The following TNS1 variants were observed in gnomAD, a reference collection of about 807,000 sequenced individuals.
TNS1 encodes tensin-1.
In TNS1, 62 loss-of-function variants were observed where a neutral mutation model predicts 168.6. The ratio of observed to expected loss-of-function variants is 0.37; its 90% CI spans 0.30 to 0.45. The LOEUF (loss-of-function observed/expected upper bound fraction) is 0.45. Among genes scored for constraint, TNS1 ranks in the 20% least tolerant of loss-of-function variants. The pLI is 1.00. For missense variants in TNS1, 2,240 were observed against 2,339.4 expected, an observed-to-expected ratio of 0.96 and a Z score of 0.88; for synonymous variants, 934 against 933.2, an observed-to-expected ratio of 1.00 and a Z score of -0.02.
At chr2:217,855,211 T>C (rs1947984537) in intron 18 of TNS1, among the ~76,000 whole-genome samples, 1 of 152,164 alleles carries the variant, frequency 6.6e-6, no homozygotes, top group South Asian at 2.1e-4. Flanking sequence ...CACTTCCTTG[T>C]CCTCCATACC....
chr2:217,876,891 A>C (rs1950248838), intron 18 of TNS1, among the ~76,000 whole-genome samples: 1 of 152,152 alleles, frequency 6.6e-6, no homozygotes, highest in Non-Finnish European at 1.5e-5. Context: ...CAGAACTATG[A>C]GAAAATTCAT....
intron 1 of TNS1, among the ~76,000 whole-genome samples, chr2:218,020,277 C>G (rs1048423440): frequency 2.0e-5 from 3 of 152,046 alleles, no homozygotes; most frequent in African/African-American, 7.2e-5. Flanking sequence ...AATACGCCAG[C>G]CCCTCCCCTG....
At chr2:217,895,780 G>C (rs1382835720) in intron 8 of TNS1, among the ~76,000 whole-genome samples, 2 of 152,114 alleles carry the variant, frequency 1.3e-5, no homozygotes, top group African/African-American at 4.8e-5. Flanking sequence ...TACCTCCGAG[G>C]GGGGCATGCA....
At chr2:217,930,720 G>C (rs1657719608) in intron 3 of TNS1, among the ~76,000 whole-genome samples, 1 of 152,224 alleles carries the variant, frequency 6.6e-6, no homozygotes, top group Admixed American at 6.5e-5. Flanking sequence ...CAGAGCTGCT[G>C]AGGCACGCGG....
Position 217,810,289 on chromosome 2 carries a change from C to T in TNS1, c.5063G>A (p.Gly1688Asp), listed in dbSNP as rs1940603530. The change falls in exon 29 of 33, where the codon GGC becomes GAC. Residue 1688 changes from glycine to aspartate, a missense_variant. This residue lies in a region of TNS1 where 2,131 missense variants were observed against 2,171.2 expected (regional missense o/e 0.98). Coordinates refer to ENST00000682258, the MANE Select transcript of TNS1 (RefSeq NM_001387777.1). The part of the protein sequence containing the change: ...DPTDESKDSS[G>D]PANSTADLLK... ...CAGGTCTGCAGTTGAGTTGGCAGGG[C>T]CGGAGCTATCTTTCGATTCATCTGT... is the stretch of plus-strand genomic sequence containing the variant. 1 of 1,613,976 alleles carries T rather than the reference C, an allele frequency of 6.2e-7. No individual in the cohort carries two copies. The highest frequency in any genetic ancestry group is 8.5e-7 in the Non-Finnish European group (1 of 1,180,008).
intron 22 of TNS1, 58 bp from the exon 23 acceptor site, chr2:217,821,996 G>A (rs192619827): frequency 2.0e-6 from 3 of 1,496,510 alleles, no homozygotes; most frequent in South Asian, 1.3e-5. Flanking sequence ...TGCAGTGCAG[G>A]TCCCCCCCAA....
rs1286861225 is a variant in TNS1 at position 217,907,195 on chromosome 2, C to T, written c.270+15G>A. The stretch of plus-strand genomic sequence containing the variant: ...GGCTGTTCCAGCTCCCCCACCACCA[C>T]CTGCCATCACTCACCTTGTCCACTA... On this transcript the variant is annotated intron_variant, in intron 5 of 32. Coordinates refer to ENST00000682258, the MANE Select transcript of TNS1 (RefSeq NM_001387777.1). 1 of 703,170 alleles carries T rather than the reference C, an allele frequency of 1.4e-6. No individual in the cohort carries two copies. The highest frequency in any genetic ancestry group is 2.6e-6 in the Non-Finnish European group (1 of 385,024). The allele number at this position is 703,170 out of a possible 1,614,324, so 43.6% of individuals were successfully genotyped here.
intron 18 of TNS1, among the ~76,000 whole-genome samples, chr2:217,861,182 A>G (rs998443566): frequency 3.9e-5 from 6 of 152,186 alleles, no homozygotes; most frequent in Admixed American, 3.9e-4. Flanking sequence ...TTTTAGCTCA[A>G]CATAGGAAAA....
Position 217,886,666 on chromosome 2 carries a change from A to G in TNS1, c.867-20T>C. 1 of 1,540,294 alleles carries G rather than the reference A, an allele frequency of 6.5e-7. No homozygotes were observed. The highest frequency in any genetic ancestry group is 8.8e-7 in the Non-Finnish European group (1 of 1,131,168). ...ACGTACCTGTAGTGGTGGGAGAAGC[A>G]GCTTCAGGGAGTGAGGTGGGTACTG... On this transcript the variant is annotated intron_variant, in intron 12 of 32. Coordinates refer to ENST00000682258, the MANE Select transcript of TNS1 (RefSeq NM_001387777.1).
At chr2:218,024,368 C>T (rs1958835018) in intron 1 of TNS1, among the ~76,000 whole-genome samples, 2 of 144,788 alleles carry the variant, frequency 1.4e-5, no homozygotes. Context: ...TTGCTGCAAT[C>T]CCAGTAAGAG....
Position 217,948,587 on chromosome 2 carries a change from G to C in TNS1, c.187-28351C>G, listed in dbSNP as rs554883625. On this transcript the variant is annotated intron_variant, in intron 3 of 32. Coordinates refer to ENST00000682258, the MANE Select transcript of TNS1 (RefSeq NM_001387777.1). The surrounding 1 kb of genome is among the most constrained non-coding windows in gnomAD (Gnocchi z 4.1). ...GAGATGAGTTCGGGCTGTCTCCCAG[G>C]GTGCTTCCATCTCAGGATCACCCCC... Among the ~76,000 whole-genome samples the C allele has an allele frequency of 6.6e-6, 1 of 152,126 alleles. No homozygotes were observed. The highest frequency in any genetic ancestry group is 1.5e-5 in the Non-Finnish European group (1 of 68,002).
intron 3 of TNS1, among the ~76,000 whole-genome samples, chr2:217,921,877 T>C (rs1266628566): frequency 6.6e-6 from 1 of 152,220 alleles, no homozygotes; most frequent in African/African-American, 2.4e-5. Flanking sequence ...ATTCCCACAG[T>C]TGCGGTGCGC....
rs1937501454 is a variant in TNS1, at chr2:217,801,625, A to C, written c.*2834T>G. On this transcript the variant is annotated 3_prime_UTR_variant, in exon 33 of 33. Coordinates refer to ENST00000682258, the MANE Select transcript of TNS1 (RefSeq NM_001387777.1). ...GACAGAAGAAGATAAACATTTACAA[A>C]ATAATAATTAGTAAAAGTGCTTGCT... The C allele has an allele frequency of 6.6e-6, 1 of 152,286 alleles. No homozygotes were observed. Among genetic ancestry groups the C allele is most frequent in the African/African-American group, 2.4e-5 (1 of 41,476 alleles). The allele number at this position is 152,286 out of a possible 1,614,324, so 9.4% of individuals were successfully genotyped here.
intron 1 of TNS1, among the ~76,000 whole-genome samples, chr2:218,001,935 A>G (rs111873937): frequency 0.01 from 1,555 of 152,066 alleles, 32 homozygotes; most frequent in African/African-American, 0.033. Flanking sequence ...CTCAGAGCCC[A>G]ACAGTAACCT....
intron 18 of TNS1, among the ~76,000 whole-genome samples, chr2:217,851,440 T>TACACACACAC (rs3838563): frequency 4.3e-5 from 6 of 139,838 alleles, no homozygotes; most frequent in South Asian, 2.4e-4. Flanking sequence ...TGCATCCCTC[T>TACACACACAC]ACACACACAC....
At chr2:217,835,397 C>G (rs1448568391) in intron 20 of TNS1, among the ~76,000 whole-genome samples, 7 of 152,180 alleles carry the variant, frequency 4.6e-5, no homozygotes, top group Admixed American at 6.5e-5. Context: ...CTTTTATAGG[C>G]CAGTACACTC....
At chr2:217,816,457 G>A (rs1166335363) in intron 24 of TNS1, among the ~76,000 whole-genome samples, 4 of 152,136 alleles carry the variant, frequency 2.6e-5, no homozygotes, top group Admixed American at 6.5e-5. Context: ...GTCTCCGGGC[G>A]AGTGTGAGGG....
At chr2:217,969,133 C>T (rs1251518244) in intron 3 of TNS1, among the ~76,000 whole-genome samples, 1 of 152,110 alleles carries the variant, frequency 6.6e-6, no homozygotes, top group Non-Finnish European at 1.5e-5. Flanking sequence ...ACAGAATAGC[C>T]AAGACAACCT....
At chr2:217,969,378 A>C (rs1452163007) in intron 3 of TNS1, among the ~76,000 whole-genome samples, 1 of 152,222 alleles carries the variant, frequency 6.6e-6, no homozygotes, top group African/African-American at 2.4e-5. Flanking sequence ...AGAAGAAAAC[A>C]GGGGTAAATC....
Sources: allele counts gnomAD v4.1 joint callset (sites outside exome capture counted in the v4.1 genomes callset), GRCh38; gene constraint gnomAD v4.1.1; regional missense constraint gnomAD v4.1.1; non-coding constraint Gnocchi (gnomAD v3.1); transcripts MANE v1.5; gene names NCBI Gene and HGNC (gene_info 2026-07-23, HGNC 2026-07-21).